DLGAP3: variants seen among roughly 807,000 people sequenced by gnomAD.
DLGAP3 encodes DLG associated protein 3, also known as disks large-associated protein 3.
DLGAP3 carries 17 observed loss-of-function variants against 81.2 expected under a neutral mutation model. The observed-to-expected ratio is 0.21, with a 90% CI of 0.14 to 0.31. DLGAP3 has a LOEUF of 0.31. DLGAP3 is among the 10% of genes least tolerant of loss of function. The probability of loss-of-function intolerance (pLI) is 1.00; values close to 1 mark genes in which losing one functional copy is unlikely to be tolerated. For synonymous variants in DLGAP3, 577 were observed against 587.4 expected (o/e 0.98, Z 0.26); for missense variants, 1,124 against 1,388.0 (o/e 0.81, Z 3.02).
chr1:34,865,795 T>G lies in DLGAP3; in HGVS notation c.*288A>C. On this transcript the variant is annotated 3_prime_UTR_variant, in exon 12 of 12. Transcript: ENST00000373347. ...CCCGTGGGGGAAAGAATGGCAGAGA[T>G]GGTGCCCATGGGGAGGAGGTGGGGA... is the stretch of plus-strand genomic sequence containing the variant. 2.0e-6 allele frequency: 1 copy of G among 498,292 alleles called. No homozygotes were observed. The highest frequency in any genetic ancestry group is 3.6e-6 in the Non-Finnish European group (1 of 277,144). 30.9% of individuals were successfully genotyped at this position (498,292 alleles called of 1,614,324 possible). A position where few individuals can be genotyped will look rare whatever the true frequency, so the allele number is the denominator to read the frequency against.
Position 34,926,069 on chromosome 1 carries a change from T to C in DLGAP3, c.-135+3382A>G, listed in dbSNP as rs1458695656. Among the ~76,000 whole-genome samples, 3 of 152,198 alleles carry C rather than the reference T, an allele frequency of 2.0e-5. No homozygotes were observed. In the East Asian group the frequency reaches 5.8e-4, roughly 29 times the overall value. ...ATGTCAGCTAGCCTGTATAAGTTTA[T>C]ACAAGCATGTTCTGAGTGTTTTCAC... On this transcript the variant is annotated intron_variant, in intron 1 of 11. Transcript: ENST00000373347.
chr1:34,881,428 G>A (rs1639142865), intron 8 of DLGAP3, among the ~76,000 whole-genome samples: 1 of 152,132 alleles, frequency 6.6e-6, no homozygotes, highest in South Asian at 2.1e-4. Flanking sequence ...TAACTTGCAG[G>A]AAGTCTTTTT....
rs1293100746 is a variant in DLGAP3, at chr1:34,929,470, G to A, written c.-154C>T. 2.0e-5 allele frequency: 3 copies of A among 148,332 alleles called. No individual in the cohort carries two copies. The highest frequency in any genetic ancestry group is 7.3e-5 in the African/African-American group (3 of 41,024). The allele number at this position is 148,332 out of a possible 1,614,324, so 9.2% of individuals were successfully genotyped here. A position where few individuals can be genotyped will look rare whatever the true frequency, so the allele number is the denominator to read the frequency against. On this transcript the variant is annotated 5_prime_UTR_variant, in exon 1 of 12. Transcript: ENST00000373347. The surrounding 1 kb of genome is among the most constrained non-coding windows in gnomAD (Gnocchi z 6.5). ...GCTTACCTGGCCCGGCTCGGGCTCC[G>A]GCCGGGTTACATGGTGCCGGCGGCC... is the stretch of plus-strand genomic sequence containing the variant.
At chr1:34,892,746 G>T (rs888576561) in intron 5 of DLGAP3, among the ~76,000 whole-genome samples, 1 of 152,126 alleles carries the variant, frequency 6.6e-6, no homozygotes, top group Non-Finnish European at 1.5e-5. Context: ...CCTAAAGTAG[G>T]TTAAACACTA....
Position 34,867,147 on chromosome 1 carries a change from A to G in DLGAP3, c.2622T>C (p.Gly874=), listed in dbSNP as rs1638896710. Residue 874 remains glycine, a synonymous_variant, in exon 11 of 12, where the codon GGT becomes GGC. Coordinates refer to ENST00000373347, the MANE Select transcript of DLGAP3 (RefSeq NM_001080418.3). The surrounding 1 kb of genome is among the most constrained non-coding windows in gnomAD (Gnocchi z 4.3). ...TGGAGAGCTGTAGGAGGTCCCAGAA[A>G]CCCGCCAGGTCCTGGAAGGTGGGCA... ...FPVPTFQDLA[G]FWDLLQLSIE... 1.2e-6 allele frequency: 2 copies of G among 1,613,982 alleles called. No individual in the cohort carries two copies. The highest frequency in any genetic ancestry group is 1.7e-6 in the Non-Finnish European group (2 of 1,180,016).
At chr1:34,921,901 T>C (rs1639801736) in intron 1 of DLGAP3, among the ~76,000 whole-genome samples, 1 of 152,222 alleles carries the variant, frequency 6.6e-6, no homozygotes, top group Admixed American at 6.5e-5. Flanking sequence ...ATGTGCATGT[T>C]AGAAAGTGCA....
chr1:34,912,585 C>T (rs1453708032), intron 1 of DLGAP3, among the ~76,000 whole-genome samples: 3 of 152,310 alleles, frequency 2.0e-5, no homozygotes, highest in African/African-American at 7.2e-5. Flanking sequence ...GAGATCATCC[C>T]CACACCAGTT....
chr1:34,880,472 T>C (rs1639128069), intron 8 of DLGAP3, among the ~76,000 whole-genome samples: 1 of 152,210 alleles, frequency 6.6e-6, no homozygotes, highest in Non-Finnish European at 1.5e-5. Flanking sequence ...GGCTCACGCC[T>C]GTAATCCCAG....
chr1:34,896,286 T>G (rs1198518678), intron 5 of DLGAP3, among the ~76,000 whole-genome samples: 1 of 151,598 alleles, frequency 6.6e-6, no homozygotes, highest in Admixed American at 6.6e-5. Flanking sequence ...AGGGAAGAGG[T>G]CATCAAAATC....
chr1:34,888,200 T>C (rs1401411721), intron 5 of DLGAP3, among the ~76,000 whole-genome samples: 1 of 152,224 alleles, frequency 6.6e-6, no homozygotes, highest in East Asian at 1.9e-4. Context: ...CTGATCCATG[T>C]GTAAACTGCA....
intron 1 of DLGAP3, among the ~76,000 whole-genome samples, chr1:34,926,712 C>A (rs564035974): frequency 2.6e-5 from 4 of 152,156 alleles, no homozygotes; most frequent in Non-Finnish European, 5.9e-5. Context: ...AAATACGGGG[C>A]CCCTTGCTGA....
In DLGAP3 at chr1:34,904,936, G is replaced by GCCCTGC. The variant is rs1269176917; in HGVS notation, c.442_447dup (p.Ala148_Gly149dup). The stretch of plus-strand genomic sequence containing the variant: ...GTGCCCGTCCCTGGCGCTGGCCCGG[G>GCCCTGC]CCCTGCCCCTGCTGGCCCTCGCTGG... On this transcript the variant is annotated inframe_insertion, in exon 3 of 12. Coordinates refer to ENST00000373347, the MANE Select transcript of DLGAP3 (RefSeq NM_001080418.3). The surrounding 1 kb of genome is among the most constrained non-coding windows in gnomAD (Gnocchi z 8.1). 2.5e-6 allele frequency: 4 copies of GCCCTGC among 1,612,566 alleles called. No homozygotes were observed. In the Admixed American group the frequency reaches 5.0e-5, roughly 20 times the overall value.
intron 1 of DLGAP3, among the ~76,000 whole-genome samples, chr1:34,921,398 A>C (rs369015748): frequency 5.9e-5 from 9 of 152,102 alleles, no homozygotes; most frequent in South Asian, 2.1e-4. Context: ...TCAACTTTTA[A>C]ACCTCAACTC....
intron 1 of DLGAP3, among the ~76,000 whole-genome samples, chr1:34,917,346 C>CTTTTT (rs548309308): frequency 7.5e-6 from 1 of 133,318 alleles, no homozygotes; most frequent in Non-Finnish European, 1.6e-5. Flanking sequence ...ATCCTTTTTC[C>CTTTTT]TTTTTTTTTT....
At chr1:34,889,529 T>C (rs544706009) in intron 5 of DLGAP3, among the ~76,000 whole-genome samples, 2 of 152,352 alleles carry the variant, frequency 1.3e-5, no homozygotes, top group African/African-American at 2.4e-5. Context: ...ATCCTTAGCC[T>C]TTCTCCAAAC....
At chr1:34,920,213 G>A (rs751666062) in intron 1 of DLGAP3, among the ~76,000 whole-genome samples, 17 of 152,242 alleles carry the variant, frequency 1.1e-4, no homozygotes, top group African/African-American at 2.6e-4. Flanking sequence ...TCCTAAGACC[G>A]TTCCCTTTGT....
intron 1 of DLGAP3, among the ~76,000 whole-genome samples, chr1:34,927,830 A>T (rs1262059161): frequency 6.6e-6 from 1 of 152,028 alleles, no homozygotes. Flanking sequence ...CCACTCTCTA[A>T]CCTTGGCCCA....
Position 34,905,222 on chromosome 1 carries a change from C to A in DLGAP3, c.162G>T (p.Leu54=). 6.3e-7 allele frequency: 1 copy of A among 1,595,856 alleles called. No individual in the cohort carries two copies. The highest frequency in any genetic ancestry group is 1.7e-5 in the Admixed American group (1 of 57,454). Residue 54 remains leucine, a synonymous_variant, in exon 3 of 12, where the codon CTG becomes CTT. Transcript: ENST00000373347. The part of the protein sequence containing the change: ...EPRFCAPRAG[L]GHISPEGPLS... ...GGGGCCCTTCAGGAGAAATGTGTCC[C>A]AGGCCAGCTCTCGGGGCACAGAAGC...
At position 34,905,013 on chromosome 1, in the gene DLGAP3, T is replaced by G. The variant is rs1240773375; in HGVS notation, c.371A>C (p.Gln124Pro). Reference sequence around the variant, plus strand: ...TTGAACTGGCAACTGCTTTTCAAACTGATCCAGGAGTGTAGGAGGCAGGCG... The same window carrying G: ...TTGAACTGGCAACTGCTTTTCAAACGGATCCAGGAGTGTAGGAGGCAGGCG... ...APRLPPTLLD[Q>P]FEKQLPVQQD... The change falls in exon 3 of 12, where the codon CAG (glutamine) becomes CCG (proline). Residue 124 changes from glutamine (Q) to proline (P), a missense_variant. Around this residue, in one of 9 missense-constraint regions of DLGAP3, gnomAD observed 167 missense variants for 172.1 expected, o/e 0.97. Transcript: ENST00000373347. 6.2e-7 allele frequency: 1 copy of G among 1,611,670 alleles called. No individual in the cohort carries two copies. The highest frequency in any genetic ancestry group is 2.2e-5 in the East Asian group (1 of 44,784).
Sources: allele counts gnomAD v4.1 joint callset (sites outside exome capture counted in the v4.1 genomes callset), GRCh38; gene constraint gnomAD v4.1.1; regional missense constraint gnomAD v4.1.1; non-coding constraint Gnocchi (gnomAD v3.1); transcripts MANE v1.5; gene names NCBI Gene and HGNC (gene_info 2026-07-23, HGNC 2026-07-21).